The following SPIDR variants were observed in gnomAD, a reference collection of about 807,000 sequenced individuals.
SPIDR encodes DNA repair-scaffolding protein.
A neutral mutation model predicts 104.6 loss-of-function variants in SPIDR; 93 were observed. That is an observed-to-expected ratio of 0.89 (90% confidence interval 0.75 to 1.06). SPIDR has a LOEUF of 1.06. Ranked by LOEUF, SPIDR falls within the 50% of genes least tolerant of loss-of-function variation. The pLI is 0.00. For synonymous variants in SPIDR, 431 were observed against 416.9 expected (o/e 1.03, Z -0.41); for missense variants, 1,154 against 1,111.2 (o/e 1.04, Z -0.55).
intron 16 of SPIDR, among the ~76,000 whole-genome samples, chr8:47,717,132 T>G (rs2082701410): frequency 6.6e-6 from 1 of 152,166 alleles, no homozygotes; most frequent in African/African-American, 2.4e-5. Flanking sequence ...GGATGCAGCC[T>G]GGTCCCTGGG....
intron 5 of SPIDR, among the ~76,000 whole-genome samples, chr8:47,377,447 GAGACCAGGCACA>G (rs1405713370): frequency 6.6e-6 from 1 of 152,174 alleles, no homozygotes; most frequent in Non-Finnish European, 1.5e-5. Flanking sequence ...CAGTCTAGAG[GAGACCAGGCACA>G]AGCCTCCAAG....
chr8:47,399,022 G>C (rs1554660538), intron 6 of SPIDR, among the ~76,000 whole-genome samples: 1 of 152,260 alleles, frequency 6.6e-6, no homozygotes, highest in Non-Finnish European at 1.5e-5. Context: ...AATGGAAAGA[G>C]AGAAACTGAA....
chr8:47,584,813 C>G (rs1266088611), intron 8 of SPIDR, among the ~76,000 whole-genome samples: 2 of 152,156 alleles, frequency 1.3e-5, no homozygotes, highest in Non-Finnish European at 2.9e-5. Context: ...CCAGGCAGTG[C>G]CAGACACTGC....
intron 5 of SPIDR, among the ~76,000 whole-genome samples, chr8:47,303,836 C>G (rs1030464378): frequency 2.6e-5 from 4 of 151,974 alleles, no homozygotes; most frequent in Non-Finnish European, 5.9e-5. Context: ...GTCACCATGC[C>G]CAACTAATTT....
In SPIDR at chr8:47,684,103, G is replaced by A. The variant is rs192285901; in HGVS notation, c.1685+10162G>A. The stretch of plus-strand genomic sequence containing the variant: ...GATCACACCACTGCACTCCAGCCTG[G>A]GTGACAGAACAAGACTCTGTCTCAA... On this transcript the variant is annotated intron_variant, in intron 11 of 19. Transcript: ENST00000297423. Among the ~76,000 whole-genome samples, 204 of 142,652 alleles carry A rather than the reference G, an allele frequency of 1.4e-3. 1 individual carries two copies. The highest frequency in any genetic ancestry group is 5.1e-3 in the African/African-American group (196 of 38,064). 93.6% of individuals were successfully genotyped at this position (142,652 alleles called of 152,430 possible).
chr8:47,668,998 A>C (rs946628972), intron 10 of SPIDR, among the ~76,000 whole-genome samples: 1 of 152,222 alleles, frequency 6.6e-6, no homozygotes, highest in African/African-American at 2.4e-5. Context: ...GCCCTAAATC[A>C]CTATATCATG....
intron 8 of SPIDR, among the ~76,000 whole-genome samples, chr8:47,568,025 G>A (rs568600653): frequency 3.3e-5 from 5 of 151,786 alleles, no homozygotes; most frequent in Non-Finnish European, 7.4e-5. Context: ...AAACCTCCCC[G>A]CCAGCCTCCC....
intron 8 of SPIDR, among the ~76,000 whole-genome samples, chr8:47,479,833 G>A (rs2076694454): frequency 6.6e-6 from 1 of 152,196 alleles, no homozygotes; most frequent in African/African-American, 2.4e-5. Context: ...TTGTGCCCAA[G>A]AACTGAACAG....
chr8:47,485,981 C>T (rs1372553831), intron 8 of SPIDR, among the ~76,000 whole-genome samples: 5 of 152,148 alleles, frequency 3.3e-5, no homozygotes, highest in African/African-American at 9.7e-5. Context: ...TCGCCAGCAA[C>T]GGAACAAAGC....
intron 14 of SPIDR, among the ~76,000 whole-genome samples, chr8:47,704,351 A>C (rs2080767392): frequency 6.6e-6 from 1 of 152,346 alleles, no homozygotes; most frequent in Middle Eastern, 3.4e-3. Context: ...CACTGTTCCT[A>C]ATTCCAAGTG....
chr8:47,343,444 T>C (rs1554615258), intron 5 of SPIDR, among the ~76,000 whole-genome samples: 1 of 152,138 alleles, frequency 6.6e-6, no homozygotes, highest in East Asian at 1.9e-4. Context: ...TGTGCACTGG[T>C]TACCAACTTG....
chr8:47,486,015 C>T lies in SPIDR; in HGVS notation c.1097+45473C>T, dbSNP rs374728916. On this transcript the variant is annotated intron_variant, in intron 8 of 19. Coordinates refer to ENST00000297423, the MANE Select transcript of SPIDR (RefSeq NM_001080394.4). ...GCTGGACAGAGAATGACGACTTTGA[C>T]GAGTTGAGAGATGAAGGCTTCAGAT... Among the ~76,000 whole-genome samples the T allele has an allele frequency of 2.7e-3, 416 of 152,250 alleles. 3 individuals carry two copies. Among genetic ancestry groups the T allele is most frequent in the South Asian group, 0.023 (110 of 4,824 alleles).
intron 10 of SPIDR, among the ~76,000 whole-genome samples, chr8:47,625,450 C>T (rs2065904806): frequency 2.0e-5 from 3 of 152,284 alleles, no homozygotes; most frequent in East Asian, 1.9e-4. Context: ...TCAAATTGTC[C>T]CTGTTTACAG....
At position 47,735,478 on chromosome 8, in the gene SPIDR, C is replaced by G. The variant is rs2086154816; in HGVS notation, c.*28C>G. On this transcript the variant is annotated 3_prime_UTR_variant, in exon 20 of 20. Coordinates refer to ENST00000297423, the MANE Select transcript of SPIDR (RefSeq NM_001080394.4). ...GTTGCCGCAGGATCTGTGAACTTTG[C>G]AATGTGGCTGCAAGGGTGGTGGTGG... 1 of 1,613,844 alleles carries G rather than the reference C, an allele frequency of 6.2e-7. No homozygotes were observed. Among genetic ancestry groups the G allele is most frequent in the Non-Finnish European group, 8.5e-7 (1 of 1,180,022 alleles).
chr8:47,677,040 A>G (rs117847940), intron 11 of SPIDR, among the ~76,000 whole-genome samples: 2 of 152,226 alleles, frequency 1.3e-5, no homozygotes, highest in Admixed American at 1.3e-4. Flanking sequence ...AAAACTGTAC[A>G]GTTTTCACAA....
At chr8:47,631,258 G>C (rs980708761) in intron 10 of SPIDR, among the ~76,000 whole-genome samples, 2 of 152,184 alleles carry the variant, frequency 1.3e-5, no homozygotes, top group Admixed American at 6.5e-5. Context: ...CTGCCCCAAG[G>C]CTTTGTAACC....
rs2079605068 is a variant in SPIDR at position 47,497,311 on chromosome 8, G to C, written c.1097+56769G>C. Among the ~76,000 whole-genome samples, 6 of 151,806 alleles carry C rather than the reference G, an allele frequency of 4.0e-5. No homozygotes were observed. The South Asian group carries it at 1.0e-3, about 26-fold the overall frequency. ...AAGATGAAAGTTTTTGTTGATTTGAGGTCTGTCTTTTTTAATACAGTCATT... is the reference window on the plus strand; with the variant it reads ...AAGATGAAAGTTTTTGTTGATTTGACGTCTGTCTTTTTTAATACAGTCATT... On this transcript the variant is annotated intron_variant, in intron 8 of 19. Transcript: ENST00000297423.
chr8:47,287,535 G>A (rs1037340536), intron 3 of SPIDR, among the ~76,000 whole-genome samples: 7 of 152,034 alleles, frequency 4.6e-5, no homozygotes, highest in East Asian at 1.9e-4. Flanking sequence ...CAGAGTGGCC[G>A]TTTATAGACC....
chr8:47,329,123 T>C (rs560590860), intron 5 of SPIDR, among the ~76,000 whole-genome samples: 77 of 150,208 alleles, frequency 5.1e-4, no homozygotes, highest in Middle Eastern at 3.5e-3. Flanking sequence ...CAGGCTGGAG[T>C]GCAGTGGTGT....
Sources: gnomAD v4.1 joint callset for allele counts (sites outside exome capture counted in the v4.1 genomes callset) on GRCh38, gnomAD v4.1.1 for gene constraint, MANE v1.5 for transcripts, NCBI Gene and HGNC (gene_info 2026-07-23, HGNC 2026-07-21) for gene names.